The following COL4A2 variants were observed in gnomAD, a reference collection of about 807,000 sequenced individuals.
COL4A2 encodes the protein collagen alpha-2(IV) chain.
In COL4A2, 99 loss-of-function variants were observed where a neutral mutation model predicts 200.2. The ratio of observed to expected loss-of-function variants is 0.49; its 90% confidence interval spans 0.42 to 0.58. The LOEUF is 0.58. Ranked by LOEUF, COL4A2 falls within the 20% of genes least tolerant of loss-of-function variation. COL4A2 has a pLI of 0.00. For missense variants in COL4A2, 1,950 were observed against 2,314.1 expected (o/e 0.84, Z 3.23); for synonymous variants, 897 against 900.6 (o/e 1.00, Z 0.07).
intron 3 of COL4A2, among the ~76,000 whole-genome samples, chr13:110,309,617 T>C (rs1177706453): frequency 6.6e-6 from 1 of 152,224 alleles, no homozygotes; most frequent in African/African-American, 2.4e-5. Flanking sequence ...TGCCTAAGGA[T>C]GGTGGGAGTC....
At chr13:110,493,354 C>A in intron 39 of COL4A2, 72 bp downstream of exon 39, 1 of 1,501,660 alleles carries the variant, frequency 6.7e-7, no homozygotes, top group South Asian at 1.1e-5. Flanking sequence ...CTGAGTCTGC[C>A]CTCCAGACTT....
intron 22 of COL4A2, among the ~76,000 whole-genome samples, chr13:110,461,109 T>A (rs1882010110): frequency 6.6e-6 from 1 of 152,222 alleles, no homozygotes; most frequent in Admixed American, 6.5e-5. Context: ...TAGACGCGAT[T>A]TTCCAGGCTG....
chr13:110,504,317 T>C, intron 45 of COL4A2, 53 bp downstream of exon 45: 1 of 1,442,472 alleles, frequency 6.9e-7, no homozygotes, highest in Non-Finnish European at 9.7e-7. Context: ...TGGATCTGAC[T>C]CACAGACTGT....
At chr13:110,319,219 G>A (rs914060827) in intron 3 of COL4A2, among the ~76,000 whole-genome samples, 1 of 152,070 alleles carries the variant, frequency 6.6e-6, no homozygotes, top group Non-Finnish European at 1.5e-5. Context: ...TGGTGGAGAT[G>A]CGCCTTCCTG....
chr13:110,471,998 T>A (rs1344798683), intron 28 of COL4A2, among the ~76,000 whole-genome samples: 1 of 152,052 alleles, frequency 6.6e-6, no homozygotes, highest in African/African-American at 2.4e-5. Flanking sequence ...CAGGGCTGAC[T>A]GCACCGAAAA....
chr13:110,442,832 CAG>C lies in COL4A2; in HGVS notation c.958-2994_958-2993del, dbSNP rs139736711. 7.0e-3 allele frequency among the ~76,000 whole-genome samples: 1,063 copies of C among 152,100 alleles called. 8 individuals carry two copies. Among genetic ancestry groups the C allele is most frequent in the African/African-American group, 0.022 (910 of 41,520 alleles). On this transcript the variant is annotated intron_variant, in intron 16 of 47. Coordinates refer to ENST00000360467, the MANE Select transcript of COL4A2 (RefSeq NM_001846.4). ...ATTTTATAATTTTGAAATAACTCCACAGAGTTATTTTATAATTTTGAAATAAC... is the reference window on the plus strand; with the variant it reads ...ATTTTATAATTTTGAAATAACTCCACAGTTATTTTATAATTTTGAAATAAC...
intron 36 of COL4A2, among the ~76,000 whole-genome samples, chr13:110,490,409 G>A (rs1235556246): frequency 1.3e-5 from 2 of 152,244 alleles, no homozygotes; most frequent in Non-Finnish European, 2.9e-5. Context: ...AGCCCCAGGG[G>A]CTTGCAGGGC....
Position 110,486,158 on chromosome 13 carries a change from C to T in COL4A2, c.3207+322C>T, listed in dbSNP as rs371631366. ...ATCAGAGCTCTAAAATTGAGCACAT[C>T]AGTGACACCAGGCCTGAGAGCCCAT... On this transcript the variant is annotated intron_variant, in intron 34 of 47. Transcript: ENST00000360467. Among the ~76,000 whole-genome samples, 4 of 152,192 alleles carry T rather than the reference C, an allele frequency of 2.6e-5. 1 individual carries two copies. The South Asian group carries it at 8.3e-4, about 32-fold the overall frequency.
intron 3 of COL4A2, among the ~76,000 whole-genome samples, chr13:110,323,026 C>T (rs1885315942): frequency 6.6e-6 from 1 of 152,004 alleles, no homozygotes; most frequent in East Asian, 1.9e-4. Context: ...TTTGGCATGA[C>T]CCCCAATACC....
chr13:110,347,275 A>T (rs1876746606), intron 3 of COL4A2, among the ~76,000 whole-genome samples: 1 of 152,112 alleles, frequency 6.6e-6, no homozygotes, highest in African/African-American at 2.4e-5. Flanking sequence ...TTCACCTCTC[A>T]TTCATGTGTC....
intron 21 of COL4A2, among the ~76,000 whole-genome samples, chr13:110,457,937 G>T (rs940324883): frequency 1.3e-5 from 2 of 152,244 alleles, no homozygotes; most frequent in East Asian, 1.9e-4. Flanking sequence ...GGAACAGGTG[G>T]TCTTTGCACC....
intron 3 of COL4A2, among the ~76,000 whole-genome samples, chr13:110,321,273 T>G (rs1642275953): frequency 1.3e-5 from 2 of 151,932 alleles, no homozygotes; most frequent in Admixed American, 1.3e-4. Context: ...ATACACATAA[T>G]GCAAACCTGT....
chr13:110,492,586 C>A (rs1883320439), intron 38 of COL4A2, among the ~76,000 whole-genome samples: 1 of 152,236 alleles, frequency 6.6e-6, no homozygotes, highest in Admixed American at 6.5e-5. Flanking sequence ...ATGCTCACTG[C>A]CCATGTAACA....
At chr13:110,397,364 G>C (rs1879215661) in intron 4 of COL4A2, among the ~76,000 whole-genome samples, 2 of 152,210 alleles carry the variant, frequency 1.3e-5, no homozygotes, top group African/African-American at 2.4e-5. Context: ...CATTTAAATA[G>C]GGATTCAGGC....
At chr13:110,431,396 G>C (rs1880675894) in intron 10 of COL4A2, among the ~76,000 whole-genome samples, 1 of 152,160 alleles carries the variant, frequency 6.6e-6, no homozygotes, top group African/African-American at 2.4e-5. Flanking sequence ...CAAACTAACA[G>C]TTGGGGGGTA....
At chr13:110,415,646 C>T (rs1927355) in intron 4 of COL4A2, among the ~76,000 whole-genome samples, 67,376 of 152,106 alleles carry the variant, frequency 0.44, 15,246 homozygotes, top group African/African-American at 0.53. Context: ...ATATATAGAC[C>T]GCTTTTCAGT....
At chr13:110,434,278 A>C in intron 11 of COL4A2, 123 bp from the exon 12 acceptor site, 1 of 804,342 alleles carries the variant, frequency 1.2e-6, no homozygotes, top group South Asian at 1.7e-5. Context: ...ATATTATGCA[A>C]ATATAGTTGC....
At chr13:110,311,802 G>A (rs1884991156) in intron 3 of COL4A2, among the ~76,000 whole-genome samples, 1 of 152,214 alleles carries the variant, frequency 6.6e-6, no homozygotes, top group South Asian at 2.1e-4. Flanking sequence ...CTCTGGCCGG[G>A]ACCTGGGGCC....
At chr13:110,495,994 C>G (rs564584707) in intron 40 of COL4A2, among the ~76,000 whole-genome samples, 1 of 152,134 alleles carries the variant, frequency 6.6e-6, no homozygotes, top group Non-Finnish European at 1.5e-5. Flanking sequence ...AAGGGTGTTG[C>G]GGTCTCATTG....
Sources: allele counts gnomAD v4.1 joint callset (sites outside exome capture counted in the v4.1 genomes callset), GRCh38; gene constraint gnomAD v4.1.1; transcripts MANE v1.5; gene names NCBI Gene and HGNC (gene_info 2026-07-23, HGNC 2026-07-21).